Variants in LAMA2 observed in about 807,000 individuals in gnomAD.
The protein encoded by LAMA2 is laminin subunit alpha 2, also known as laminin subunit alpha-2.
A neutral mutation model predicts 364.8 loss-of-function variants in LAMA2; 269 were observed. That is an observed-to-expected ratio of 0.74 (90% confidence interval 0.67 to 0.82). The LOEUF is 0.82. Among genes scored for constraint, LAMA2 ranks in the 40% least tolerant of loss-of-function variants. The pLI is 0.00. For synonymous variants in LAMA2, 1,379 were observed against 1,370.6 expected (o/e 1.01, Z -0.14); for missense variants, 3,807 against 3,873.2 (o/e 0.98, Z 0.45).
intron 4 of LAMA2, among the ~76,000 whole-genome samples, chr6:129,110,117 A>C (rs1174762375): frequency 6.6e-6 from 1 of 151,992 alleles, no homozygotes; most frequent in Admixed American, 6.6e-5. Context: ...TGCAAAAAAA[A>C]AAAAGTTCTA....
chr6:129,383,120 A>G lies in LAMA2; in HGVS notation c.4960-2A>G, dbSNP rs1562512707. 6.2e-7 allele frequency: 1 copy of G among 1,612,524 alleles called. No homozygotes were observed. The highest frequency in any genetic ancestry group is 8.5e-7 in the Non-Finnish European group (1 of 1,178,890). The stretch of plus-strand genomic sequence containing the variant: ...ATGTGTTTCCCGAATTTGGATCATT[A>G]GGCTACCAAAGTGACAGCAGATGGC... On this transcript the variant is annotated splice_acceptor_variant, in intron 34 of 64. Coordinates refer to ENST00000421865, the MANE Select transcript of LAMA2 (RefSeq NM_000426.4). LOFTEE classifies it high-confidence loss of function.
intron 4 of LAMA2, among the ~76,000 whole-genome samples, chr6:129,105,216 A>G (rs1008194357): frequency 3.9e-5 from 6 of 152,158 alleles, no homozygotes; most frequent in African/African-American, 1.4e-4. Flanking sequence ...GAGGCCAACC[A>G]CAGGGTAGAG....
intron 35 of LAMA2, among the ~76,000 whole-genome samples, chr6:129,387,777 G>C (rs1245496959): frequency 6.6e-6 from 1 of 152,182 alleles, no homozygotes; most frequent in Non-Finnish European, 1.5e-5. Context: ...GAAAGCTTCA[G>C]CATCCTCAGC....
chr6:129,008,757 G>A (rs116568602), intron 1 of LAMA2, among the ~76,000 whole-genome samples: 18 of 152,200 alleles, frequency 1.2e-4, no homozygotes, highest in African/African-American at 4.3e-4. Flanking sequence ...ATACAGTCAG[G>A]AGCAATATAT....
intron 18 of LAMA2, among the ~76,000 whole-genome samples, chr6:129,284,111 A>G (rs752945185): frequency 2.6e-5 from 4 of 152,128 alleles, no homozygotes; most frequent in Admixed American, 6.6e-5. Flanking sequence ...TCCAACTTGT[A>G]AAAGGCACCA....
At chr6:128,945,235 C>A (rs893887385) in intron 1 of LAMA2, among the ~76,000 whole-genome samples, 1 of 152,130 alleles carries the variant, frequency 6.6e-6, no homozygotes, top group Admixed American at 6.5e-5. Flanking sequence ...TTAATTATGC[C>A]TTTTTCCTCT....
intron 29 of LAMA2, among the ~76,000 whole-genome samples, chr6:129,330,906 T>C (rs1188260823): frequency 6.6e-6 from 1 of 151,940 alleles, no homozygotes; most frequent in African/African-American, 2.4e-5. Flanking sequence ...TCTTGCTCTG[T>C]CACCCAGGCT....
At chr6:129,232,491 G>T (rs576159442) in intron 12 of LAMA2, among the ~76,000 whole-genome samples, 1 of 151,910 alleles carries the variant, frequency 6.6e-6, no homozygotes, top group Non-Finnish European at 1.5e-5. Context: ...ATATAGATAC[G>T]TACATTCCTG....
chr6:129,207,999 A>G (rs1360550971), intron 12 of LAMA2, among the ~76,000 whole-genome samples: 1 of 152,172 alleles, frequency 6.6e-6, no homozygotes, highest in Non-Finnish European at 1.5e-5. Flanking sequence ...ATAGTTTTGG[A>G]TTTGTCACCA....
At chr6:129,280,257 A>C in intron 18 of LAMA2, 110 bp downstream of exon 18, 1 of 740,830 alleles carries the variant, frequency 1.3e-6, no homozygotes. Context: ...GCCACACTCA[A>C]TGAGGTGAAA....
At chr6:129,330,815 T>A (rs1163234080) in intron 29 of LAMA2, among the ~76,000 whole-genome samples, 1 of 152,040 alleles carries the variant, frequency 6.6e-6, no homozygotes, top group Admixed American at 6.6e-5. Flanking sequence ...TTACTTATTT[T>A]TTACTCAAGT....
intron 3 of LAMA2, among the ~76,000 whole-genome samples, chr6:129,069,803 A>C (rs888210158): frequency 1.3e-5 from 2 of 148,330 alleles, no homozygotes; most frequent in African/African-American, 4.9e-5. Flanking sequence ...ACAATATAAT[A>C]AAAATGTGAT....
chr6:129,011,597 G>A (rs985491857), intron 1 of LAMA2, among the ~76,000 whole-genome samples: 5 of 152,132 alleles, frequency 3.3e-5, no homozygotes, highest in Admixed American at 6.5e-5. Flanking sequence ...GTATTTTCAA[G>A]CATTGGAGGT....
chr6:129,220,427 C>T (rs1783746212), intron 12 of LAMA2, among the ~76,000 whole-genome samples: 2 of 152,126 alleles, frequency 1.3e-5, no homozygotes, highest in African/African-American at 4.8e-5. Flanking sequence ...AATTAACTGC[C>T]TTGCAAAAGC....
At chr6:129,076,838 G>A (rs920981359) in intron 3 of LAMA2, among the ~76,000 whole-genome samples, 4 of 151,830 alleles carry the variant, frequency 2.6e-5, no homozygotes, top group Non-Finnish European at 5.9e-5. Flanking sequence ...ATTTTCTGTA[G>A]GAAGGTCATG....
At chr6:128,931,722 T>C (rs1463295518) in intron 1 of LAMA2, among the ~76,000 whole-genome samples, 1 of 152,198 alleles carries the variant, frequency 6.6e-6, no homozygotes, top group African/African-American at 2.4e-5. Flanking sequence ...AAGATCCACT[T>C]TTACTCTTTT....
chr6:129,294,869 G>T (rs1789974620), intron 20 of LAMA2, among the ~76,000 whole-genome samples: 1 of 151,970 alleles, frequency 6.6e-6, no homozygotes. Context: ...GTTAAATGAA[G>T]AAATGTTTAA....
chr6:129,259,823 A>G (rs551575193), intron 14 of LAMA2, among the ~76,000 whole-genome samples: 20 of 152,236 alleles, frequency 1.3e-4, no homozygotes, highest in African/African-American at 4.1e-4. Flanking sequence ...TCTAGGCCAC[A>G]AGGCTGGTAA....
chr6:129,223,782 C>A (rs1784046961), intron 12 of LAMA2, among the ~76,000 whole-genome samples: 2 of 152,196 alleles, frequency 1.3e-5, no homozygotes, highest in African/African-American at 2.4e-5. Context: ...AGCATGATGC[C>A]TCCAGCTTTG....
Sources: gnomAD v4.1 joint callset for allele counts (sites outside exome capture counted in the v4.1 genomes callset) on GRCh38, gnomAD v4.1.1 for gene constraint, MANE v1.5 for transcripts, NCBI Gene and HGNC (gene_info 2026-07-23, HGNC 2026-07-21) for gene names.